Variants in OGDH observed in about 807,000 individuals in gnomAD.
The protein encoded by OGDH is 2-oxoglutarate dehydrogenase complex component E1.
A neutral mutation model predicts 116.6 loss-of-function variants in OGDH; 38 were observed. That is an observed-to-expected ratio of 0.33 (90% CI 0.25 to 0.43). OGDH has a LOEUF of 0.43. OGDH is among the 20% of genes least tolerant of loss of function. OGDH has a pLI of 1.00. For missense variants in OGDH, 825 were observed against 1,357.2 expected (o/e 0.61, Z 6.16); for synonymous variants, 488 against 533.3 (o/e 0.92, Z 1.17).
chr7:44,702,484 G>A (rs1045537393), intron 20 of OGDH, among the ~76,000 whole-genome samples: 3 of 152,214 alleles, frequency 2.0e-5, no homozygotes, highest in Non-Finnish European at 2.9e-5. Context: ...AGGCCAGGAA[G>A]CCTGCATCCC....
rs541090103 is a variant in OGDH at position 44,691,045 on chromosome 7, A to G, written c.1336-2780A>G. On this transcript the variant is annotated intron_variant, in intron 10 of 22. Transcript: ENST00000222673. ...CATAAATATAGAGTTAGATTTTGCTAATATTTTCTTTATCTCTTTACTGCT... is the reference window on the plus strand; with the variant it reads ...CATAAATATAGAGTTAGATTTTGCTGATATTTTCTTTATCTCTTTACTGCT... 3.9e-5 allele frequency among the ~76,000 whole-genome samples: 6 copies of G among 152,234 alleles called. No homozygotes were observed. The East Asian group carries it at 5.8e-4, about 15-fold the overall frequency.
chr7:44,628,027 CAGT>C (rs1474726546), intron 2 of OGDH, among the ~76,000 whole-genome samples: 1 of 152,160 alleles, frequency 6.6e-6, no homozygotes, highest in African/African-American at 2.4e-5. Flanking sequence ...GCATACATAA[CAGT>C]AGAGAGAAGA....
chr7:44,638,127 G>A (rs1161442632), intron 2 of OGDH, among the ~76,000 whole-genome samples: 2 of 152,176 alleles, frequency 1.3e-5, no homozygotes, highest in Admixed American at 1.3e-4. Context: ...TTAACTGTGT[G>A]TAACTGTATA....
chr7:44,695,812 G>T (rs940828133), intron 12 of OGDH, among the ~76,000 whole-genome samples: 19 of 152,104 alleles, frequency 1.2e-4, no homozygotes, highest in African/African-American at 4.3e-4. Flanking sequence ...TAAAATCTTA[G>T]AAAGGTGTTA....
At chr7:44,663,894 C>G (rs535830676) in intron 4 of OGDH, among the ~76,000 whole-genome samples, 1 of 150,262 alleles carries the variant, frequency 6.7e-6, no homozygotes, top group Non-Finnish European at 1.5e-5. Flanking sequence ...GAGCAGTGAT[C>G]AAACCAGTAC....
In OGDH at chr7:44,631,177, T is replaced by C. The variant is rs547764851; in HGVS notation, c.222+6612T>C. Among the ~76,000 whole-genome samples, 3 of 152,338 alleles carry C rather than the reference T, an allele frequency of 2.0e-5. No homozygotes were observed. In the South Asian group the frequency reaches 6.2e-4, roughly 32 times the overall value. On this transcript the variant is annotated intron_variant, in intron 2 of 22. Coordinates refer to ENST00000222673, the MANE Select transcript of OGDH (RefSeq NM_002541.4). The stretch of plus-strand genomic sequence containing the variant: ...TTTACCAACTATTTTCAATCCACGT[T>C]TGGTTGAATCCATGGATGCAGAACC...
chr7:44,637,929 C>A (rs1188793211), intron 2 of OGDH, among the ~76,000 whole-genome samples: 1 of 152,122 alleles, frequency 6.6e-6, no homozygotes, highest in Admixed American at 6.5e-5. Context: ...ATCCCATAGC[C>A]CCTTGCAGGG....
chr7:44,647,800 T>G, intron 4 of OGDH, 41 bp downstream of exon 4: 1 of 1,502,874 alleles, frequency 6.7e-7, no homozygotes, highest in Non-Finnish European at 9.3e-7. Flanking sequence ...CTTGAGCTCC[T>G]CTCGCTGTGC....
intron 6 of OGDH, 59 bp downstream of exon 6, chr7:44,674,000 T>C: frequency 6.2e-7 from 1 of 1,603,678 alleles, no homozygotes; most frequent in East Asian, 2.2e-5. Flanking sequence ...TGACCCTGTC[T>C]GTGTTGATCG....
intron 9 of OGDH, among the ~76,000 whole-genome samples, chr7:44,680,457 T>C (rs1337492144): frequency 1.3e-5 from 2 of 152,086 alleles, no homozygotes; most frequent in South Asian, 2.1e-4. Flanking sequence ...GTAGGAGATA[T>C]TTATAGGTGT....
rs749970737 is a variant in OGDH, at chr7:44,645,563, C to A, written c.414+45C>A. On this transcript the variant is annotated intron_variant, in intron 3 of 22. Coordinates refer to ENST00000222673, the MANE Select transcript of OGDH (RefSeq NM_002541.4). ...CGCACACGGGAAAGGGTGCAGTGTT[C>A]CTTAGGTCATGCCTCATGGGCCCTA... is the stretch of plus-strand genomic sequence containing the variant. The A allele has an allele frequency of 3.8e-6, 6 of 1,584,532 alleles. No homozygotes were observed. In the African/African-American group the frequency reaches 5.4e-5, roughly 14 times the overall value.
intron 2 of OGDH, among the ~76,000 whole-genome samples, chr7:44,631,706 G>T (rs1013004460): frequency 6.6e-6 from 1 of 152,192 alleles, no homozygotes; most frequent in African/African-American, 2.4e-5. Flanking sequence ...TTCGAAGCTT[G>T]TGCTGAGTGG....
At position 44,708,122 on chromosome 7, in the gene OGDH, C is replaced by T; in HGVS notation, c.*123C>T. 1 of 1,323,292 alleles carries T rather than the reference C, an allele frequency of 7.6e-7. No individual in the cohort carries two copies. The highest frequency in any genetic ancestry group is 1.0e-6 in the Non-Finnish European group (1 of 967,794). The allele number at this position is 1,323,292 out of a possible 1,614,324, so 82.0% of individuals were successfully genotyped here. ...CCGCCCTCCTCGCTGTGCCACCACC[C>T]CTCCCTCTGCTCTCATAGGAGTTAG... On this transcript the variant is annotated 3_prime_UTR_variant, in exon 23 of 23. Coordinates refer to ENST00000222673, the MANE Select transcript of OGDH (RefSeq NM_002541.4).
At chr7:44,647,612 G>C in intron 3 of OGDH, 45 bp from the exon 4 acceptor site, 1 of 1,570,838 alleles carries the variant, frequency 6.4e-7, no homozygotes, top group Non-Finnish European at 8.7e-7. Context: ...TTTTTCTTCT[G>C]TCCTTTTGTG....
intron 12 of OGDH, among the ~76,000 whole-genome samples, 153 bp from the exon 13 acceptor site, chr7:44,695,872 G>A (rs920828723): frequency 6.6e-6 from 1 of 152,142 alleles, no homozygotes; most frequent in Non-Finnish European, 1.5e-5. Context: ...TTGCATCCAC[G>A]AAGTGTGGGA....
chr7:44,682,232 A>C (rs562997360), intron 10 of OGDH, among the ~76,000 whole-genome samples: 1 of 152,032 alleles, frequency 6.6e-6, no homozygotes, highest in Admixed American at 6.5e-5. Context: ...TCTGCTAAAA[A>C]TACAAAATTA....
chr7:44,692,699 T>G (rs1225694396), intron 10 of OGDH, among the ~76,000 whole-genome samples: 4 of 152,174 alleles, frequency 2.6e-5, no homozygotes, highest in Non-Finnish European at 5.9e-5. Context: ...ATCATTAAAT[T>G]TTGGTACATC....
intron 2 of OGDH, among the ~76,000 whole-genome samples, chr7:44,643,467 A>C (rs771616681): frequency 3.7e-4 from 57 of 152,270 alleles, no homozygotes; most frequent in Non-Finnish European, 6.9e-4. Flanking sequence ...TTTCACTGAG[A>C]GATCAGACTC....
chr7:44,662,579 C>T (rs934823629), intron 4 of OGDH, among the ~76,000 whole-genome samples: 1 of 151,784 alleles, frequency 6.6e-6, no homozygotes, highest in Non-Finnish European at 1.5e-5. Flanking sequence ...TCTTCTGCCT[C>T]AGCCTCCTGA....
Sources: gnomAD v4.1 joint callset for allele counts (sites outside exome capture counted in the v4.1 genomes callset) on GRCh38, gnomAD v4.1.1 for gene constraint, MANE v1.5 for transcripts, NCBI Gene and HGNC (gene_info 2026-07-23, HGNC 2026-07-21) for gene names.